The following PRMT3 variants were observed in gnomAD, a reference collection of about 807,000 sequenced individuals.
The protein encoded by PRMT3 is protein arginine methyltransferase 3.
PRMT3 carries 62 observed loss-of-function variants against 71.9 expected under a neutral mutation model. The ratio of observed to expected loss-of-function variants is 0.86; its 90% confidence interval spans 0.70 to 1.07. PRMT3 has a LOEUF of 1.07. Ranked by LOEUF, PRMT3 falls within the 50% of genes least tolerant of loss-of-function variation. PRMT3 has a pLI of 0.00. For missense variants in PRMT3, 663 were observed against 643.0 expected, an observed-to-expected ratio of 1.03 and a Z score of -0.34; for synonymous variants, 213 against 220.4, an observed-to-expected ratio of 0.97 and a Z score of 0.30.
chr11:20,435,680 A>C (rs1296279221), intron 10 of PRMT3, among the ~76,000 whole-genome samples: 1 of 152,074 alleles, frequency 6.6e-6, no homozygotes. Flanking sequence ...TGGGTTCTCT[A>C]TTCAGTTATT....
At chr11:20,402,243 C>T (rs1302268407) in intron 7 of PRMT3, among the ~76,000 whole-genome samples, 2 of 152,048 alleles carry the variant, frequency 1.3e-5, no homozygotes, top group Admixed American at 6.6e-5. Context: ...CCTCAGCCTC[C>T]CCAGTAGCTA....
At chr11:20,391,211 G>A (rs1848706929) in intron 3 of PRMT3, among the ~76,000 whole-genome samples, 1 of 152,130 alleles carries the variant, frequency 6.6e-6, no homozygotes, top group African/African-American at 2.4e-5. Context: ...ACTTTCGTAA[G>A]GCATAAATGA....
intron 13 of PRMT3, among the ~76,000 whole-genome samples, chr11:20,491,980 T>C (rs1851218933): frequency 6.6e-6 from 1 of 152,172 alleles, no homozygotes; most frequent in South Asian, 2.1e-4. Context: ...GTAATAAAGC[T>C]AGCCATATTT....
intron 8 of PRMT3, chr11:20,407,673 C>A: frequency 3.2e-6 from 1 of 310,920 alleles, no homozygotes; most frequent in Non-Finnish European, 6.0e-6. Context: ...GGAGTCAATA[C>A]TAATAAATTA....
chr11:20,420,740 T>C (rs1326216227), intron 9 of PRMT3, among the ~76,000 whole-genome samples: 1 of 152,144 alleles, frequency 6.6e-6, no homozygotes, highest in East Asian at 1.9e-4. Context: ...AGAATATCTA[T>C]AAAAACAAAA....
intron 15 of PRMT3, among the ~76,000 whole-genome samples, chr11:20,506,405 T>A (rs1851591651): frequency 6.6e-6 from 1 of 151,780 alleles, no homozygotes; most frequent in African/African-American, 2.4e-5. Flanking sequence ...TACACAAAAA[T>A]TGTTATATTT....
chr11:20,390,857 T>C (rs560105962), intron 3 of PRMT3, among the ~76,000 whole-genome samples: 6 of 152,184 alleles, frequency 3.9e-5, no homozygotes, highest in Non-Finnish European at 5.9e-5. Context: ...GAGACCATCC[T>C]GGCTAACCCA....
chr11:20,464,397 T>G, intron 12 of PRMT3, 63 bp from the exon 13 acceptor site: 1 of 1,524,110 alleles, frequency 6.6e-7, no homozygotes, highest in Non-Finnish European at 8.8e-7. Flanking sequence ...TTGTTTTATT[T>G]TTTGTTTTTT....
At chr11:20,388,975 C>A (rs1848655093) in intron 2 of PRMT3, among the ~76,000 whole-genome samples, 1 of 152,164 alleles carries the variant, frequency 6.6e-6, no homozygotes, top group Non-Finnish European at 1.5e-5. Flanking sequence ...TCATCTGTAG[C>A]CCCATTGGGT....
chr11:20,506,052 A>AG (rs1372847620), intron 15 of PRMT3, among the ~76,000 whole-genome samples: 2 of 152,228 alleles, frequency 1.3e-5, no homozygotes, highest in Non-Finnish European at 1.5e-5. Context: ...ACTAGCTGGC[A>AG]GATGACCTTG....
At chr11:20,507,117 A>G (rs1851609474) in intron 15 of PRMT3, among the ~76,000 whole-genome samples, 2 of 152,176 alleles carry the variant, frequency 1.3e-5, no homozygotes, top group Non-Finnish European at 1.5e-5. Flanking sequence ...CTTAAATACC[A>G]TTACATGTAC....
intron 15 of PRMT3, among the ~76,000 whole-genome samples, chr11:20,505,437 G>A (rs1352884042): frequency 1.3e-5 from 2 of 152,144 alleles, no homozygotes; most frequent in African/African-American, 4.8e-5. Context: ...CATACTGCTT[G>A]TAAGTAAAAA....
rs571848902 is a variant in PRMT3, at chr11:20,392,427, T to C, written c.297+167T>C. ...GGAGGTAGCACAGCAGAAAGCACCA[T>C]GTAAATGTCTACCATAACTAACAAA... On this transcript the variant is annotated intron_variant, in intron 4 of 15. Coordinates refer to ENST00000331079, the MANE Select transcript of PRMT3 (RefSeq NM_005788.4). Among the ~76,000 whole-genome samples, 6 of 152,302 alleles carry C rather than the reference T, an allele frequency of 3.9e-5. No individual in the cohort carries two copies. The South Asian group carries it at 1.2e-3, about 32-fold the overall frequency.
At chr11:20,445,194 C>T (rs1849997676) in intron 10 of PRMT3, among the ~76,000 whole-genome samples, 1 of 151,912 alleles carries the variant, frequency 6.6e-6, no homozygotes, top group South Asian at 2.1e-4. Context: ...ATCAGTTTCA[C>T]TTTTTCTTTG....
At chr11:20,461,698 A>C (rs1850386457) in intron 11 of PRMT3, among the ~76,000 whole-genome samples, 1 of 152,182 alleles carries the variant, frequency 6.6e-6, no homozygotes, top group South Asian at 2.1e-4. Flanking sequence ...AATATCAATA[A>C]ATATGTTTAT....
chr11:20,492,756 T>A (rs1490786350), intron 13 of PRMT3, among the ~76,000 whole-genome samples: 4 of 152,158 alleles, frequency 2.6e-5, no homozygotes, highest in African/African-American at 7.2e-5. Context: ...GTATGTTAAT[T>A]TCTTTAAGAG....
At chr11:20,428,673 TTC>T (rs1260570552) in intron 10 of PRMT3, among the ~76,000 whole-genome samples, 5 of 152,214 alleles carry the variant, frequency 3.3e-5, no homozygotes, top group African/African-American at 1.2e-4. Flanking sequence ...TTCTGCTTTC[TTC>T]TGTACCAAGG....
chr11:20,418,173 T>C (rs1176938141), intron 9 of PRMT3, among the ~76,000 whole-genome samples: 5 of 152,242 alleles, frequency 3.3e-5, no homozygotes, highest in Non-Finnish European at 5.9e-5. Flanking sequence ...AGAGAATTAC[T>C]TAAAGATATC....
At chr11:20,449,783 C>G (rs1850108664) in intron 10 of PRMT3, among the ~76,000 whole-genome samples, 1 of 151,952 alleles carries the variant, frequency 6.6e-6, no homozygotes, top group African/African-American at 2.4e-5. Context: ...TAATATTACA[C>G]ATAGTATTAA....
Sources: allele counts gnomAD v4.1 joint callset (sites outside exome capture counted in the v4.1 genomes callset), GRCh38; gene constraint gnomAD v4.1.1; transcripts MANE v1.5; gene names NCBI Gene and HGNC (gene_info 2026-07-23, HGNC 2026-07-21).